SCAPER: variants seen among roughly 807,000 people sequenced by gnomAD.
The protein encoded by SCAPER is S-phase cyclin A associated protein in the ER.
Under a neutral mutation model 182.2 loss-of-function variants are expected in SCAPER, and 98 were observed. The observed-to-expected ratio is 0.54, with a 90% CI of 0.46 to 0.64. The LOEUF (loss-of-function observed/expected upper bound fraction) is 0.64, where lower values mean the gene tolerates loss of function less well. SCAPER is among the 30% of genes least tolerant of loss of function. SCAPER has a pLI of 0.00. For missense variants in SCAPER, 1,432 were observed against 1,690.0 expected, an observed-to-expected ratio of 0.85 and a Z score of 2.68; for synonymous variants, 605 against 564.6, an observed-to-expected ratio of 1.07 and a Z score of -1.01.
At chr15:76,799,362 T>C (rs902360136) in intron 7 of SCAPER, among the ~76,000 whole-genome samples, 2 of 149,438 alleles carry the variant, frequency 1.3e-5, no homozygotes, top group African/African-American at 4.9e-5. Flanking sequence ...ATTGGCTCAC[T>C]GCAACCTCCA....
At chr15:76,515,329 C>T (rs1287075060) in intron 23 of SCAPER, among the ~76,000 whole-genome samples, 1 of 152,172 alleles carries the variant, frequency 6.6e-6, no homozygotes, top group East Asian at 1.9e-4. Flanking sequence ...ACCACAAGAC[C>T]TGAGTGGTCT....
At chr15:76,657,731 A>T (rs1403114262) in intron 21 of SCAPER, among the ~76,000 whole-genome samples, 1 of 152,134 alleles carries the variant, frequency 6.6e-6, no homozygotes, top group Non-Finnish European at 1.5e-5. Flanking sequence ...GATCAAATAG[A>T]CTTTATCCCT....
chr15:76,851,582 C>A (rs1331722975), intron 4 of SCAPER, among the ~76,000 whole-genome samples: 1 of 152,100 alleles, frequency 6.6e-6, no homozygotes, highest in Non-Finnish European at 1.5e-5. Flanking sequence ...CATATCCAGC[C>A]AAACTAAACT....
chr15:76,658,542 C>T (rs2055861751), intron 21 of SCAPER, among the ~76,000 whole-genome samples: 3 of 151,960 alleles, frequency 2.0e-5, no homozygotes, highest in Admixed American at 1.3e-4. Flanking sequence ...ATATTCTTAA[C>T]AAAATTAGAA....
chr15:76,517,063 G>T (rs928714448), intron 23 of SCAPER, among the ~76,000 whole-genome samples: 3 of 152,002 alleles, frequency 2.0e-5, no homozygotes, highest in African/African-American at 7.2e-5. Context: ...CTGAGTCTAG[G>T]TTTATCTGAT....
At chr15:76,505,001 G>C (rs1233096037) in intron 23 of SCAPER, 27 bp from the exon 24 acceptor site, 6 of 1,568,206 alleles carry the variant, frequency 3.8e-6, no homozygotes, top group Middle Eastern at 1.7e-4. Context: ...ACAGAAGTTA[G>C]CCCAATTTCC....
chr15:76,572,264 A>C (rs1216402687), intron 23 of SCAPER, among the ~76,000 whole-genome samples: 1 of 152,232 alleles, frequency 6.6e-6, no homozygotes, highest in African/African-American at 2.4e-5. Flanking sequence ...CAGTGTCTTC[A>C]AGCAATTGCC....
chr15:76,821,622 TCAAAA>T (rs1345784547), intron 5 of SCAPER, among the ~76,000 whole-genome samples: 1 of 151,602 alleles, frequency 6.6e-6, no homozygotes, highest in Admixed American at 6.6e-5. Context: ...AGACCTTCTC[TCAAAA>T]CAAAACAAAA....
At chr15:76,589,516 C>T (rs1441629698) in intron 22 of SCAPER, among the ~76,000 whole-genome samples, 1 of 152,174 alleles carries the variant, frequency 6.6e-6, no homozygotes, top group African/African-American at 2.4e-5. Context: ...ACCCAAAAGG[C>T]TGGTGTCACT....
chr15:76,904,803 G>A (rs889223205), intron 1 of SCAPER: 1 of 152,288 alleles, frequency 6.6e-6, no homozygotes, highest in Non-Finnish European at 1.5e-5. Flanking sequence ...TAAGATCAGA[G>A]TACAGGGAAA....
intron 10 of SCAPER, among the ~76,000 whole-genome samples, chr15:76,770,852 A>T (rs1473755888): frequency 6.6e-6 from 1 of 152,118 alleles, no homozygotes; most frequent in African/African-American, 2.4e-5. Context: ...AAGACACAAG[A>T]TGAAAATCAA....
intron 20 of SCAPER, among the ~76,000 whole-genome samples, chr15:76,694,072 G>GT (rs563482533): frequency 0.018 from 2,650 of 144,710 alleles, 65 homozygotes; most frequent in African/African-American, 0.052. Flanking sequence ...GGCTACTCAG[G>GT]TTTTTTTTTT....
At chr15:76,523,871 G>A (rs1431625885) in intron 23 of SCAPER, among the ~76,000 whole-genome samples, 1 of 151,510 alleles carries the variant, frequency 6.6e-6, no homozygotes, top group East Asian at 1.9e-4. Flanking sequence ...AATCCCAATT[G>A]TTGTGTGTAA....
At chr15:76,530,633 G>A (rs928272271) in intron 23 of SCAPER, among the ~76,000 whole-genome samples, 8 of 152,134 alleles carry the variant, frequency 5.3e-5, no homozygotes. Context: ...TTTGATGATT[G>A]TGTATCTGCA....
intron 28 of SCAPER, among the ~76,000 whole-genome samples, chr15:76,379,357 A>T (rs1001000953): frequency 2.0e-5 from 3 of 152,224 alleles, no homozygotes; most frequent in Non-Finnish European, 2.9e-5. Context: ...AGAAGAAGGA[A>T]GAAAAGGTAC....
At chr15:76,496,325 T>A (rs1362620547) in intron 24 of SCAPER, among the ~76,000 whole-genome samples, 1 of 152,080 alleles carries the variant, frequency 6.6e-6, no homozygotes, top group Non-Finnish European at 1.5e-5. Flanking sequence ...TTTGTAAATA[T>A]AAGACAATGC....
intron 23 of SCAPER, among the ~76,000 whole-genome samples, chr15:76,555,908 T>C (rs1196265499): frequency 6.6e-6 from 1 of 152,042 alleles, no homozygotes; most frequent in Non-Finnish European, 1.5e-5. Context: ...AGAACTGTCC[T>C]CCCCCAAATA....
chr15:76,662,066 C>T (rs763684143), intron 21 of SCAPER, among the ~76,000 whole-genome samples: 4 of 152,208 alleles, frequency 2.6e-5, no homozygotes, highest in Non-Finnish European at 4.4e-5. Flanking sequence ...TCATCCTCAG[C>T]GAACTAATGC....
intron 17 of SCAPER, among the ~76,000 whole-genome samples, chr15:76,707,152 A>AT (rs1050423189): frequency 8.5e-5 from 13 of 152,094 alleles, no homozygotes; most frequent in Non-Finnish European, 1.5e-4. Flanking sequence ...AACTAAAATA[A>AT]TTTTTTAAAA....
Sources: allele counts gnomAD v4.1 joint callset (sites outside exome capture counted in the v4.1 genomes callset), GRCh38; gene constraint gnomAD v4.1.1; transcripts MANE v1.5; gene names NCBI Gene and HGNC (gene_info 2026-07-23, HGNC 2026-07-21).